Variants in IGFLR1 observed in about 807,000 individuals in gnomAD.
IGFLR1 encodes IGF like family receptor 1.
A neutral mutation model predicts 23.4 loss-of-function variants in IGFLR1; 17 were observed. The observed-to-expected ratio is 0.73, with a 90% CI of 0.50 to 1.09. The LOEUF is 1.09. Ranked by LOEUF, IGFLR1 falls within the 50% of genes least tolerant of loss-of-function variation. The pLI, the probability that IGFLR1 is intolerant of heterozygous loss-of-function variation, is 0.00. For synonymous variants in IGFLR1, 265 were observed against 210.7 expected (o/e 1.26, Z -2.23); for missense variants, 556 against 459.2 (o/e 1.21, Z -1.93).
Position 35,739,719 on chromosome 19 carries a change from G to A in IGFLR1, c.712C>T (p.Leu238=), listed in dbSNP as rs1970092334. Reference sequence around the variant, plus strand: ...CTCCTCCAGGACTAACCCCTGCTCAGGAGTGGAAGTAGTGAGGCCTCCTTC... The same window carrying A: ...CTCCTCCAGGACTAACCCCTGCTCAAGAGTGGAAGTAGTGAGGCCTCCTTC... ...TWKEASLLPL[L]SRELSSLASQ... is the part of the protein sequence containing the mutation. Residue 238 remains leucine (L), a synonymous_variant, in exon 4 of 5, where the codon CTG becomes TTG. Coordinates refer to ENST00000246532, the MANE Select transcript of IGFLR1 (RefSeq NM_024660.4). The A allele has an allele frequency of 2.6e-6, 4 of 1,551,680 alleles. No homozygotes were observed. Among genetic ancestry groups the A allele is most frequent in the Non-Finnish European group, 2.6e-6 (3 of 1,146,340 alleles).
Position 35,739,627 on chromosome 19 carries a change from C to T in IGFLR1, c.722-1G>A. 1.2e-6 allele frequency: 2 copies of T among 1,606,526 alleles called. No homozygotes were observed. The highest frequency in any genetic ancestry group is 1.3e-5 in the African/African-American group (1 of 74,880). ...GGTTGTGACGCCAGACTGGACAGTT[C>T]TGGAAGAAAGGGGAAGGGTAAAGGT... is the stretch of plus-strand genomic sequence containing the variant. On this transcript the variant is annotated splice_acceptor_variant, in intron 4 of 4. Coordinates refer to ENST00000246532, the MANE Select transcript of IGFLR1 (RefSeq NM_024660.4). LOFTEE classifies it high-confidence loss of function.
In IGFLR1 at chr19:35,741,833, C is replaced by T. The variant is rs144845973; in HGVS notation, c.-44+563G>A. On this transcript the variant is annotated intron_variant, in intron 1 of 4. Coordinates refer to ENST00000246532, the MANE Select transcript of IGFLR1 (RefSeq NM_024660.4). ...TCTAAAAACAAAAAAAACTGGCCGCCGGGCGCAGTGGCTCATGCCTGTAAT... is the reference window on the plus strand; with the variant it reads ...TCTAAAAACAAAAAAAACTGGCCGCTGGGCGCAGTGGCTCATGCCTGTAAT... Among the ~76,000 whole-genome samples, 936 of 146,300 alleles carry T rather than the reference C, an allele frequency of 6.4e-3. 11 individuals are homozygous for T. The highest frequency in any genetic ancestry group is 0.023 in the African/African-American group (894 of 39,562).
chr19:35,741,350 G>T, intron 1 of IGFLR1, 127 bp from the exon 2 acceptor site: 1 of 945,260 alleles, frequency 1.1e-6, no homozygotes, highest in Non-Finnish European at 1.6e-6. Flanking sequence ...CCGGTTATCA[G>T]AGAAGCCCAC....
chr19:35,739,586 C>A lies in IGFLR1; in HGVS notation c.762G>T (p.Leu254=). The A allele has an allele frequency of 6.2e-7, 1 of 1,613,848 alleles. No homozygotes were observed. The highest frequency in any genetic ancestry group is 8.5e-7 in the Non-Finnish European group (1 of 1,179,802). Residue 254 remains leucine, a synonymous_variant, in exon 5 of 5, where the codon CTG becomes CTT. Coordinates refer to ENST00000246532, the MANE Select transcript of IGFLR1 (RefSeq NM_024660.4). ...SLASQPLSRL[L]DELEVLEELI... is the part of the protein sequence containing the mutation. The stretch of plus-strand genomic sequence containing the variant: ...GCTCTTCCAGCACCTCCAGCTCATC[C>A]AGGAGGCGAGACAGGGGTTGTGACG...
At chr19:35,740,276 C>T in intron 3 of IGFLR1, 104 bp downstream of exon 3, 4 of 1,379,150 alleles carry the variant, frequency 2.9e-6, no homozygotes, top group Non-Finnish European at 3.8e-6. Flanking sequence ...CCAGCCACCT[C>T]CTGAAACCAC....
At chr19:35,741,875 G>C (rs2146499362) in intron 1 of IGFLR1, among the ~76,000 whole-genome samples, 1 of 152,152 alleles carries the variant, frequency 6.6e-6, no homozygotes, top group African/African-American at 2.4e-5. Context: ...ACTTTGGGAG[G>C]CCCAGGTGGG....
In IGFLR1 at chr19:35,739,550, C is replaced by G. The variant is rs372058639; in HGVS notation, c.798G>C (p.Leu266=). The G allele has an allele frequency of 1.2e-6, 2 of 1,614,124 alleles. No individual in the cohort carries two copies. Among genetic ancestry groups the G allele is most frequent in the Non-Finnish European group, 1.7e-6 (2 of 1,180,030 alleles). Residue 266 remains leucine (L), a synonymous_variant, in exon 5 of 5, where the codon CTG becomes CTC. Coordinates refer to ENST00000246532, the MANE Select transcript of IGFLR1 (RefSeq NM_024660.4). ...CACCTGGCCCAGGCTCAGGGTCCAG[C>G]AGTACAATCAGCTCTTCCAGCACCT... is the stretch of plus-strand genomic sequence containing the variant. ...ELEVLEELIV[L]LDPEPGPGGG... is the part of the protein sequence containing the mutation.
Position 35,739,227 on chromosome 19 carries a change from T to G in IGFLR1, c.*53A>C. ...TTAGGATTGTACTTCAAGAAGTACT[T>G]CAGTGCTAATTGTATACTGGGCTTA... On this transcript the variant is annotated 3_prime_UTR_variant, in exon 5 of 5. Transcript: ENST00000246532. The G allele has an allele frequency of 5.6e-6, 8 of 1,418,042 alleles. No individual in the cohort carries two copies. Among genetic ancestry groups the G allele is most frequent in the Non-Finnish European group, 7.6e-6 (8 of 1,054,572 alleles). The allele number at this position is 1,418,042 out of a possible 1,614,324, so 87.8% of individuals were successfully genotyped here.
intron 1 of IGFLR1, 66 bp from the exon 2 acceptor site, chr19:35,741,289 G>A: frequency 6.7e-7 from 1 of 1,492,648 alleles, no homozygotes; most frequent in South Asian, 1.2e-5. Context: ...GAATTCTCAC[G>A]CCTCTTCGGA....
At position 35,739,772 on chromosome 19, in the gene IGFLR1, G is replaced by A. The variant is rs1315976334; in HGVS notation, c.659C>T (p.Pro220Leu). Residue 220 changes from proline (P) to leucine (L), a missense_variant, in exon 4 of 5, where the codon CCA (proline) becomes CTA (leucine). Pro to Leu is a moderately conservative substitution (Grantham distance 98). Coordinates refer to ENST00000246532, the MANE Select transcript of IGFLR1 (RefSeq NM_024660.4). ...HTPSSSHLSSPGALETGDTWK... is the reference protein window; with the variant it reads ...HTPSSSHLSSLGALETGDTWK... ...TGTGTCCCCTGTCTCCAGGGCGCCTGGGGAGGACAGATGCGAGGAGGAAGG... is the reference window on the plus strand; with the variant it reads ...TGTGTCCCCTGTCTCCAGGGCGCCTAGGGAGGACAGATGCGAGGAGGAAGG... 4.5e-6 allele frequency: 7 copies of A among 1,565,470 alleles called. No individual in the cohort carries two copies. The highest frequency in any genetic ancestry group is 6.1e-6 in the Non-Finnish European group (7 of 1,152,572).
At chr19:35,740,993 G>C (rs774791128) in intron 2 of IGFLR1, 31 bp downstream of exon 2, 1 of 1,604,902 alleles carries the variant, frequency 6.2e-7, no homozygotes, top group Non-Finnish European at 8.5e-7. Flanking sequence ...TGCAAGCTCC[G>C]CCCAAGCAAG....
rs773106549 is a variant in IGFLR1, at chr19:35,740,062, G to A, written c.369C>T (p.Cys123=). 6.2e-6 allele frequency: 10 copies of A among 1,613,408 alleles called. No homozygotes were observed. Among genetic ancestry groups the A allele is most frequent in the Non-Finnish European group, 7.6e-6 (9 of 1,179,880 alleles). Residue 123 remains cysteine (C), a synonymous_variant, in exon 4 of 5, where the codon TGC becomes TGT. Coordinates refer to ENST00000246532, the MANE Select transcript of IGFLR1 (RefSeq NM_024660.4). ...RERPVPAKGH[C]PLTPGNPGAP... ...CGCCTGGGTTTCCAGGTGTGAGGGGGCAGTGCCCCTTGGCAGGGACCGGCC... is the reference window on the plus strand; with the variant it reads ...CGCCTGGGTTTCCAGGTGTGAGGGGACAGTGCCCCTTGGCAGGGACCGGCC...
intron 4 of IGFLR1, 36 bp from the exon 5 acceptor site, chr19:35,739,662 C>T (rs747927231): frequency 3.8e-6 from 6 of 1,577,660 alleles, no homozygotes; most frequent in African/African-American, 2.7e-5. Flanking sequence ...TGCGGAAGAG[C>T]GGGCGTCCAG....
At position 35,740,977 on chromosome 19, in the gene IGFLR1, A is replaced by G. The variant is rs200915515; in HGVS notation, c.157+47T>C. The G allele has an allele frequency of 8.2e-4, 1,303 of 1,583,860 alleles. 2 individuals carry two copies. Among genetic ancestry groups the G allele is most frequent in the Middle Eastern group, 2.3e-3 (11 of 4,748 alleles). On this transcript the variant is annotated intron_variant, in intron 2 of 4. Transcript: ENST00000246532. ...AGACCTCGCCCCTTCCCCGCTCCCT[A>G]TCACCTGCAAGCTCCGCCCAAGCAA...
intron 2 of IGFLR1, 99 bp downstream of exon 2, chr19:35,740,925 A>C: frequency 3.4e-6 from 4 of 1,190,156 alleles, no homozygotes; most frequent in Non-Finnish European, 4.8e-6. Context: ...TAGACCCCTA[A>C]GCAAGCCTCT....
Position 35,739,413 on chromosome 19 carries a change from A to T in IGFLR1, c.935T>A (p.Leu312Gln). The change falls in exon 5 of 5, where the codon CTG (leucine) becomes CAG (glutamine). Residue 312 changes from leucine (L) to glutamine (Q), a missense_variant. Physicochemically the swap from Leu to Gln is moderately radical, Grantham distance 113. Transcript: ENST00000246532. The part of the protein sequence containing the change: ...LRPSRSPLRA[L>Q]IEMVVAREPS... ...CTCCCTTGCCACCACCATCTCAATC[A>T]GAGCCCGCAGCGGCGAGCGACTCGG... 1 of 1,613,792 alleles carries T rather than the reference A, an allele frequency of 6.2e-7. No homozygotes were observed. The highest frequency in any genetic ancestry group is 8.5e-7 in the Non-Finnish European group (1 of 1,179,930).
rs1568390854 is a variant in IGFLR1, at chr19:35,740,451, G to A, written c.271C>T (p.Pro91Ser). The A allele has an allele frequency of 3.1e-6, 5 of 1,612,538 alleles. No individual in the cohort carries two copies. Among genetic ancestry groups the A allele is most frequent in the African/African-American group, 1.3e-5 (1 of 74,924 alleles). The change falls in exon 3 of 5, where the codon CCC (proline) becomes TCC (serine). Residue 91 changes from proline (P) to serine (S), a missense_variant. Physicochemically the swap from Pro to Ser is moderately conservative, Grantham distance 74 (BLOSUM62 -1). Coordinates refer to ENST00000246532, the MANE Select transcript of IGFLR1 (RefSeq NM_024660.4). ...CNPDGAELCS[P>S]CGGGAVTPTP... ...GGGGTCACGGCTCCGCCGCCGCAGG[G>A]GCTACATAGCTCCGCGCCGTCGGGG...
Position 35,739,355 on chromosome 19 carries a change from G to C in IGFLR1, c.993C>G (p.His331Gln). The C allele has an allele frequency of 6.2e-7, 1 of 1,612,134 alleles. No individual in the cohort carries two copies. Among genetic ancestry groups the C allele is most frequent in the Non-Finnish European group, 8.5e-7 (1 of 1,179,362 alleles). Reference protein sequence around the residue: ...PSASLGQLGTHLAQLGRADAL... With the variant: ...PSASLGQLGTQLAQLGRADAL... ...CATCTGCCCGCCCTAGCTGGGCGAG[G>C]TGTGTGCCAAGCTGGCCCAGGGAGG... Residue 331 changes from histidine to glutamine, a missense_variant, in exon 5 of 5, where the codon CAC (histidine) becomes CAG (glutamine). Physicochemically the swap from His to Gln is conservative, Grantham distance 24 (BLOSUM62 0). Transcript: ENST00000246532.
In IGFLR1 at chr19:35,739,933, C is replaced by T. The variant is rs1247056340; in HGVS notation, c.498G>A (p.Val166=). Residue 166 remains valine, a synonymous_variant, in exon 4 of 5, where the codon GTG becomes GTA. Coordinates refer to ENST00000246532, the MANE Select transcript of IGFLR1 (RefSeq NM_024660.4). ...QAWPNFLPLV[V]LVLLLTLAVI... is the part of the protein sequence containing the mutation. ...CCGCCAAGGTCAGGAGCAGGACCAG[C>T]ACCACGAGCGGAAGGAAATTCGGCC... 1 of 1,614,048 alleles carries T rather than the reference C, an allele frequency of 6.2e-7. No homozygotes were observed. The highest frequency in any genetic ancestry group is 1.7e-5 in the Admixed American group (1 of 60,010).
Sources: allele counts gnomAD v4.1 joint callset (sites outside exome capture counted in the v4.1 genomes callset), GRCh38; gene constraint gnomAD v4.1.1; transcripts MANE v1.5; gene names NCBI Gene and HGNC (gene_info 2026-07-23, HGNC 2026-07-21).